The following SYT1 variants were observed in gnomAD, a reference collection of about 807,000 sequenced individuals.
SYT1 encodes the protein synaptotagmin-1.
In SYT1, 8 loss-of-function variants were observed where a neutral mutation model predicts 44.8. The ratio of observed to expected loss-of-function variants is 0.18; its 90% CI spans 0.10 to 0.32. The LOEUF (loss-of-function observed/expected upper bound fraction) is 0.32. Among genes scored for constraint, SYT1 ranks in the 10% least tolerant of loss-of-function variants. The pLI is 1.00. For synonymous variants in SYT1, 154 were observed against 188.8 expected (o/e 0.82, Z 1.51); for missense variants, 286 against 509.3 (o/e 0.56, Z 4.22).
At position 79,187,428 on chromosome 12, in the gene SYT1, A is replaced by G. The variant is rs1353824169; in HGVS notation, c.-17-30075A>G. Among the ~76,000 whole-genome samples, 5 of 152,140 alleles carry G rather than the reference A, an allele frequency of 3.3e-5. No individual in the cohort carries two copies. In the East Asian group the frequency reaches 9.7e-4, roughly 29 times the overall value. On this transcript the variant is annotated intron_variant, in intron 3 of 10. Transcript: ENST00000261205. ...CTTTTTCACTTTGGTTTTTATGTCT[A>G]TCTTTAGTTTTTATGTCTATCACTC...
intron 4 of SYT1, among the ~76,000 whole-genome samples, chr12:79,268,079 G>A (rs942022339): frequency 6.6e-6 from 1 of 152,092 alleles, no homozygotes; most frequent in African/African-American, 2.4e-5. Context: ...TATTCAGTAG[G>A]GACTGTGAAT....
chr12:79,039,041 A>C (rs754753439), intron 2 of SYT1, among the ~76,000 whole-genome samples: 14 of 152,004 alleles, frequency 9.2e-5, no homozygotes, highest in Non-Finnish European at 1.6e-4. Flanking sequence ...AAAATGCCGC[A>C]AAAATTATTT....
intron 2 of SYT1, among the ~76,000 whole-genome samples, chr12:79,026,668 TA>T (rs1347897529): frequency 0.021 from 134 of 6,514 alleles, 2 homozygotes; most frequent in East Asian, 0.11. Context: ...ATATATATTT[TA>T]TATATATATA....
chr12:78,947,309 C>T (rs531748019), intron 1 of SYT1, among the ~76,000 whole-genome samples: 2 of 152,184 alleles, frequency 1.3e-5, no homozygotes, highest in Non-Finnish European at 2.9e-5. Flanking sequence ...AAATTTTTCA[C>T]TGGCAAAGCT....
intron 3 of SYT1, among the ~76,000 whole-genome samples, chr12:79,179,148 A>C (rs186712564): frequency 0.33 from 14,872 of 44,958 alleles, 2,884 homozygotes; most frequent in African/African-American, 0.65. Flanking sequence ...ATAGATATAG[A>C]TATATAGATA....
At chr12:79,211,140 C>G (rs1874421650) in intron 3 of SYT1, among the ~76,000 whole-genome samples, 1 of 152,052 alleles carries the variant, frequency 6.6e-6, no homozygotes, top group African/African-American at 2.4e-5. Context: ...ATCTTTCCAG[C>G]CTCTTCTCTG....
At chr12:79,221,269 G>A (rs1875144286) in intron 4 of SYT1, among the ~76,000 whole-genome samples, 1 of 151,786 alleles carries the variant, frequency 6.6e-6, no homozygotes, top group South Asian at 2.1e-4. Context: ...GTTTCCATTT[G>A]CATTATATAT....
chr12:79,372,768 G>C (rs1018986885), intron 9 of SYT1, among the ~76,000 whole-genome samples: 1 of 152,276 alleles, frequency 6.6e-6, no homozygotes. Flanking sequence ...TGATCTCAGA[G>C]GGAGAGGAAA....
At chr12:79,074,684 G>C (rs1045593352) in intron 3 of SYT1, among the ~76,000 whole-genome samples, 2 of 151,936 alleles carry the variant, frequency 1.3e-5, no homozygotes, top group Non-Finnish European at 2.9e-5. Flanking sequence ...CTTTCCCCTC[G>C]ACCTGTACCC....
intron 1 of SYT1, among the ~76,000 whole-genome samples, chr12:78,917,848 T>C (rs1272011028): frequency 6.6e-6 from 1 of 152,058 alleles, no homozygotes; most frequent in African/African-American, 2.4e-5. Flanking sequence ...TTGTTAACTC[T>C]TAAGAATTAA....
chr12:78,987,850 A>T (rs760525251), intron 2 of SYT1, among the ~76,000 whole-genome samples: 1 of 152,064 alleles, frequency 6.6e-6, no homozygotes, highest in African/African-American at 2.4e-5. Flanking sequence ...GAATTACATG[A>T]ATATCAAAAC....
At chr12:79,255,684 C>T (rs754235662) in intron 4 of SYT1, among the ~76,000 whole-genome samples, 3 of 152,264 alleles carry the variant, frequency 2.0e-5, no homozygotes, top group South Asian at 2.1e-4. Context: ...TAACCAGGAA[C>T]GTTTTTCATA....
chr12:78,982,177 C>T (rs111597525), intron 2 of SYT1, among the ~76,000 whole-genome samples: 10 of 152,140 alleles, frequency 6.6e-5, no homozygotes, highest in Admixed American at 2.0e-4. Context: ...TGAAGACCTG[C>T]AGTATATAGC....
At chr12:79,179,341 G>A (rs1168000439) in intron 3 of SYT1, among the ~76,000 whole-genome samples, 1 of 37,364 alleles carries the variant, frequency 2.7e-5, no homozygotes, top group Non-Finnish European at 5.0e-5. Flanking sequence ...TAGATATATC[G>A]ATATGTCTAT....
chr12:79,367,170 C>A (rs1883584392), intron 9 of SYT1, among the ~76,000 whole-genome samples: 1 of 152,090 alleles, frequency 6.6e-6, no homozygotes. Flanking sequence ...CCAAGTACTT[C>A]TTTTATGATA....
chr12:78,991,553 A>G (rs1870021499), intron 2 of SYT1, among the ~76,000 whole-genome samples: 1 of 152,164 alleles, frequency 6.6e-6, no homozygotes, highest in African/African-American at 2.4e-5. Context: ...AATTAAGAGA[A>G]GAGAAGAATT....
At chr12:79,350,246 CTTT>C (rs1166413638) in intron 8 of SYT1, among the ~76,000 whole-genome samples, 3 of 97,562 alleles carry the variant, frequency 3.1e-5, no homozygotes, top group African/African-American at 1.3e-4. Flanking sequence ...GATGCATATT[CTTT>C]TTTTTTTTTT....
intron 9 of SYT1, among the ~76,000 whole-genome samples, chr12:79,398,554 A>AT (rs984051951): frequency 8.5e-5 from 13 of 152,190 alleles, no homozygotes; most frequent in African/African-American, 2.9e-4. Flanking sequence ...TATGGTCCTT[A>AT]TATGGTCCTT....
At chr12:79,442,142 T>G (rs1273319309) in intron 9 of SYT1, among the ~76,000 whole-genome samples, 1 of 152,236 alleles carries the variant, frequency 6.6e-6, no homozygotes, top group African/African-American at 2.4e-5. Flanking sequence ...TGACAAAGTT[T>G]CAACACATGA....
Sources: allele counts gnomAD v4.1 joint callset (sites outside exome capture counted in the v4.1 genomes callset), GRCh38; gene constraint gnomAD v4.1.1; transcripts MANE v1.5; gene names NCBI Gene and HGNC (gene_info 2026-07-23, HGNC 2026-07-21).